SMOC2: variants seen among roughly 807,000 people sequenced by gnomAD.
SMOC2 encodes the protein SPARC related modular calcium binding 2, also known as SPARC-related modular calcium-binding protein 2.
In SMOC2, 39 loss-of-function variants were observed where a neutral mutation model predicts 61.4. The ratio of observed to expected loss-of-function variants is 0.64; its 90% CI spans 0.49 to 0.83. The LOEUF is 0.83. Ranked by LOEUF, SMOC2 falls within the 40% of genes least tolerant of loss-of-function variation. The pLI is 0.00. For synonymous variants in SMOC2, 247 were observed against 239.9 expected (o/e 1.03, Z -0.27); for missense variants, 556 against 592.9 (o/e 0.94, Z 0.65).
At chr6:168,529,529 C>T (rs1379328780) in intron 4 of SMOC2, among the ~76,000 whole-genome samples, 3 of 152,214 alleles carry the variant, frequency 2.0e-5, no homozygotes, top group South Asian at 2.1e-4. Flanking sequence ...TACAGAGTTA[C>T]GGAAAAACTC....
At chr6:168,546,452 G>T (rs1466732461) in intron 5 of SMOC2, among the ~76,000 whole-genome samples, 1 of 152,098 alleles carries the variant, frequency 6.6e-6, no homozygotes, top group African/African-American at 2.4e-5. Flanking sequence ...ATTAAATACA[G>T]ATTCTTCACT....
intron 11 of SMOC2, among the ~76,000 whole-genome samples, chr6:168,662,512 C>T (rs75302442): frequency 0.016 from 2,386 of 152,268 alleles, 46 homozygotes; most frequent in Non-Finnish European, 0.018. Flanking sequence ...AACAGGCATC[C>T]GGAGTGATGT....
intron 7 of SMOC2, among the ~76,000 whole-genome samples, chr6:168,592,419 C>G (rs1171838323): frequency 8.5e-6 from 1 of 117,350 alleles, no homozygotes; most frequent in Non-Finnish European, 1.8e-5. Context: ...TGAGGCCTCA[C>G]GAGCATCTTT....
Position 168,475,511 on chromosome 6 carries a change from G to A in SMOC2, c.84+34057G>A, listed in dbSNP as rs938428508. ...CTGAGCAAGACGGGTGAGATGTTCT[G>A]TAAACCTGTGGCAGGCTGGGGAGAG... On this transcript the variant is annotated intron_variant, in intron 1 of 12. Transcript: ENST00000356284. This position sits in a 1 kb window ranked among gnomAD's most constrained non-coding sequence, Gnocchi z 4.6. 1.3e-5 allele frequency among the ~76,000 whole-genome samples: 2 copies of A among 152,104 alleles called. No homozygotes were observed. Among genetic ancestry groups the A allele is most frequent in the African/African-American group, 2.4e-5 (1 of 41,436 alleles).
chr6:168,599,480 C>CAA (rs1785453441), intron 8 of SMOC2, among the ~76,000 whole-genome samples: 2 of 131,700 alleles, frequency 1.5e-5, no homozygotes, highest in Non-Finnish European at 3.2e-5. Flanking sequence ...CACCCACACA[C>CAA]AATCATACCC....
chr6:168,604,990 C>T lies in SMOC2; in HGVS notation c.825-3167C>T, dbSNP rs191629877. Among the ~76,000 whole-genome samples the T allele has an allele frequency of 4.1e-3, 627 of 152,204 alleles. 2 individuals carry two copies. The highest frequency in any genetic ancestry group is 0.017 in the Middle Eastern group (5 of 294). ...CAGATCCCGGAAGGAGGGGTCCAGG[C>T]ACCTGTCATGAGTGCAGGCCCCCAT... is the stretch of plus-strand genomic sequence containing the variant. On this transcript the variant is annotated intron_variant, in intron 8 of 12. Coordinates refer to ENST00000356284, the MANE Select transcript of SMOC2 (RefSeq NM_001166412.2).
At chr6:168,634,420 A>G (rs74818402) in intron 9 of SMOC2, among the ~76,000 whole-genome samples, 1,677 of 152,294 alleles carry the variant, frequency 0.011, 32 homozygotes, top group African/African-American at 0.039. Context: ...TAACCTTCTT[A>G]TGGGGATATT....
intron 1 of SMOC2, among the ~76,000 whole-genome samples, chr6:168,446,456 G>T (rs1781334983): frequency 6.6e-6 from 1 of 152,194 alleles, no homozygotes; most frequent in South Asian, 2.1e-4. Flanking sequence ...AGTTAGAGGA[G>T]AAAATTAAAG....
At chr6:168,632,067 T>G (rs538861464) in intron 9 of SMOC2, among the ~76,000 whole-genome samples, 71 of 152,368 alleles carry the variant, frequency 4.7e-4, no homozygotes, top group African/African-American at 1.5e-3. Context: ...TTTCCAGACC[T>G]GATGCTTTGT....
Position 168,618,640 on chromosome 6 carries a change from G to A in SMOC2, c.907+10401G>A, listed in dbSNP as rs372390299. Among the ~76,000 whole-genome samples, 5 of 152,284 alleles carry A rather than the reference G, an allele frequency of 3.3e-5. No homozygotes were observed. The East Asian group carries it at 9.7e-4, about 29-fold the overall frequency. On this transcript the variant is annotated intron_variant, in intron 9 of 12. Transcript: ENST00000356284. ...GGCATTAAGAGGCGAGTCAAGGAGA[G>A]GTGGTAAAAGAGTTAAGACAAGGCC...
At chr6:168,473,122 C>G (rs1397562419) in intron 1 of SMOC2, among the ~76,000 whole-genome samples, 1 of 152,182 alleles carries the variant, frequency 6.6e-6, no homozygotes, top group African/African-American at 2.4e-5. Context: ...CTGAAGGTGA[C>G]TACAGTTTGG....
intron 9 of SMOC2, among the ~76,000 whole-genome samples, chr6:168,647,705 A>C (rs533768849): frequency 2.7e-4 from 41 of 152,330 alleles, no homozygotes; most frequent in African/African-American, 9.6e-4. Context: ...GTGATTTCTC[A>C]TGCAGTGAAC....
chr6:168,529,432 C>T (rs1051006807), intron 4 of SMOC2, among the ~76,000 whole-genome samples: 3 of 152,194 alleles, frequency 2.0e-5, no homozygotes, highest in Non-Finnish European at 4.4e-5. Context: ...GGCAGGGTTC[C>T]GCTGGCTGCA....
At chr6:168,529,284 T>C (rs560653756) in intron 4 of SMOC2, among the ~76,000 whole-genome samples, 11 of 152,270 alleles carry the variant, frequency 7.2e-5, no homozygotes, top group African/African-American at 2.6e-4. Flanking sequence ...CCTTTGCATA[T>C]AGAAGTCTGG....
At chr6:168,512,975 A>G (rs879152357) in intron 2 of SMOC2, among the ~76,000 whole-genome samples, 1 of 152,270 alleles carries the variant, frequency 6.6e-6, no homozygotes, top group Non-Finnish European at 1.5e-5. Context: ...GTAGTAGAAA[A>G]ATAGTTTAAA....
chr6:168,591,221 G>T (rs944633773), intron 7 of SMOC2, among the ~76,000 whole-genome samples: 1 of 152,196 alleles, frequency 6.6e-6, no homozygotes, highest in Admixed American at 6.5e-5. Flanking sequence ...ATTACTTTTC[G>T]GGAGTGTGTT....
chr6:168,459,774 C>T (rs528554506), intron 1 of SMOC2, among the ~76,000 whole-genome samples: 9 of 93,708 alleles, frequency 9.6e-5, no homozygotes, highest in African/African-American at 1.3e-4. Flanking sequence ...GTGGGTGAGC[C>T]GGGGTGGTGA....
chr6:168,517,295 C>T (rs1020086989), intron 2 of SMOC2, among the ~76,000 whole-genome samples: 6 of 152,334 alleles, frequency 3.9e-5, no homozygotes, highest in East Asian at 1.9e-4. Context: ...CCAGCGGCGC[C>T]GTGGCCTGGC....
chr6:168,574,251 T>A (rs968455108), intron 7 of SMOC2, among the ~76,000 whole-genome samples: 9 of 152,132 alleles, frequency 5.9e-5, no homozygotes, highest in Admixed American at 2.6e-4. Flanking sequence ...CTGAGCATGC[T>A]CATGGGCAGG....
Sources: allele counts gnomAD v4.1 joint callset (sites outside exome capture counted in the v4.1 genomes callset), GRCh38; gene constraint gnomAD v4.1.1; non-coding constraint Gnocchi (gnomAD v3.1); transcripts MANE v1.5; gene names NCBI Gene and HGNC (gene_info 2026-07-23, HGNC 2026-07-21).